The following CTNNA2 variants were observed in gnomAD, a reference collection of about 807,000 sequenced individuals.
CTNNA2 encodes the protein catenin alpha-2.
Under a neutral mutation model 101.0 loss-of-function variants are expected in CTNNA2, and 42 were observed. The ratio of observed to expected loss-of-function variants is 0.42; its 90% CI spans 0.32 to 0.54. CTNNA2 has a LOEUF of 0.54. Among genes scored for constraint, CTNNA2 ranks in the 20% least tolerant of loss-of-function variants. The pLI is 0.14. For missense variants in CTNNA2, 871 were observed against 1,223.1 expected, an observed-to-expected ratio of 0.71 and a Z score of 4.29; for synonymous variants, 450 against 456.4, an observed-to-expected ratio of 0.99 and a Z score of 0.18.
chr2:80,622,382 G>A (rs1573484375), intron 18 of CTNNA2, among the ~76,000 whole-genome samples: 1 of 151,858 alleles, frequency 6.6e-6, no homozygotes, highest in Admixed American at 6.6e-5. Context: ...ATCATCATTT[G>A]GGGGTATCAT....
intron 1 of CTNNA2, among the ~76,000 whole-genome samples, chr2:79,651,244 C>T (rs868748867): frequency 1.3e-5 from 2 of 152,240 alleles, no homozygotes; most frequent in East Asian, 1.9e-4. Context: ...AAACCTTTCG[C>T]AGCATATAGC....
intron 2 of CTNNA2, among the ~76,000 whole-genome samples, chr2:79,255,356 T>C (rs1393524941): frequency 6.6e-6 from 1 of 152,168 alleles, no homozygotes; most frequent in Non-Finnish European, 1.5e-5. Context: ...TTTGTTCAGA[T>C]TCCAATTCAG....
intron 7 of CTNNA2, among the ~76,000 whole-genome samples, chr2:80,075,810 AAAT>A (rs1225470681): frequency 1.4e-5 from 2 of 144,902 alleles, no homozygotes; most frequent in East Asian, 2.0e-4. Flanking sequence ...AATATTATAA[AAAT>A]AATATTTATA....
At chr2:79,550,564 A>G (rs1392892601) in intron 1 of CTNNA2, among the ~76,000 whole-genome samples, 3 of 152,240 alleles carry the variant, frequency 2.0e-5, no homozygotes, top group Middle Eastern at 3.2e-3. Context: ...GTAGATGAGA[A>G]GGCCAAATAT....
chr2:79,731,555 G>A (rs965636447), intron 2 of CTNNA2, among the ~76,000 whole-genome samples: 2 of 152,020 alleles, frequency 1.3e-5, no homozygotes, highest in South Asian at 2.1e-4. Context: ...ATGTGAGTTC[G>A]CTTACATGTT....
At chr2:79,337,274 C>T (rs1458097553) in intron 3 of CTNNA2, among the ~76,000 whole-genome samples, 3 of 152,150 alleles carry the variant, frequency 2.0e-5, no homozygotes, top group Admixed American at 6.5e-5. Flanking sequence ...AAAAATATAA[C>T]CCTACCCAAA....
chr2:80,018,543 G>A (rs1426719584), intron 7 of CTNNA2, among the ~76,000 whole-genome samples: 1 of 152,136 alleles, frequency 6.6e-6, no homozygotes, highest in African/African-American at 2.4e-5. Context: ...TTGGGAGGCC[G>A]AGGCGGGCAG....
chr2:79,316,535 T>C (rs143632736), intron 3 of CTNNA2, among the ~76,000 whole-genome samples: 1 of 152,064 alleles, frequency 6.6e-6, no homozygotes, highest in African/African-American at 2.4e-5. Flanking sequence ...ATATTAGGGG[T>C]TTCAATCCAT....
intron 3 of CTNNA2, among the ~76,000 whole-genome samples, chr2:79,816,962 T>C (rs59271347): frequency 0.024 from 3,660 of 152,226 alleles, 152 homozygotes; most frequent in African/African-American, 0.083. Flanking sequence ...ATTTCAGTCA[T>C]TAAATAAACC....
intron 9 of CTNNA2, among the ~76,000 whole-genome samples, chr2:80,527,277 G>C (rs539330120): frequency 6.7e-4 from 102 of 152,170 alleles, no homozygotes; most frequent in Non-Finnish European, 1.1e-3. Context: ...CTGTTGGCTG[G>C]ACTTTAGAAA....
chr2:79,279,370 G>A (rs1675300928), intron 2 of CTNNA2, among the ~76,000 whole-genome samples: 1 of 152,060 alleles, frequency 6.6e-6, no homozygotes, highest in Non-Finnish European at 1.5e-5. Flanking sequence ...ATAAATGCCT[G>A]AGGATAATTC....
At chr2:80,146,498 A>G (rs903036083) in intron 7 of CTNNA2, among the ~76,000 whole-genome samples, 5 of 151,748 alleles carry the variant, frequency 3.3e-5, no homozygotes, top group Admixed American at 1.3e-4. Flanking sequence ...TTCTCCATCC[A>G]TTTTTTTCTC....
intron 2 of CTNNA2, among the ~76,000 whole-genome samples, chr2:79,719,771 C>T (rs1373550359): frequency 6.6e-6 from 1 of 151,934 alleles, no homozygotes; most frequent in African/African-American, 2.4e-5. Context: ...GGTTTAACTT[C>T]CTTATGTATT....
chr2:80,199,328 G>C (rs2149012505), intron 7 of CTNNA2, among the ~76,000 whole-genome samples: 1 of 151,704 alleles, frequency 6.6e-6, no homozygotes, highest in South Asian at 2.1e-4. Context: ...GCAACTTGAA[G>C]ACATGATCCC....
chr2:79,510,349 A>G (rs1418758715), upstream of CTNNA2, among the ~76,000 whole-genome samples: 1 of 152,234 alleles, frequency 6.6e-6, no homozygotes, highest in Non-Finnish European at 1.5e-5. Flanking sequence ...AAAACAAAAG[A>G]AATAAGGGTT....
At chr2:80,103,000 T>A (rs2148845952) in intron 7 of CTNNA2, among the ~76,000 whole-genome samples, 1 of 152,238 alleles carries the variant, frequency 6.6e-6, no homozygotes, top group African/African-American at 2.4e-5. Flanking sequence ...AGAGTCCCAG[T>A]GAGTGAGGTC....
chr2:79,216,364 G>T (rs961041113), intron 2 of CTNNA2, among the ~76,000 whole-genome samples: 1 of 151,858 alleles, frequency 6.6e-6, no homozygotes, highest in East Asian at 1.9e-4. Context: ...GGGTTTGGGG[G>T]TTCTTACCCT....
chr2:79,855,635 G>A lies in CTNNA2; in HGVS notation c.299-2378G>A, dbSNP rs185959297. 9.8e-5 allele frequency among the ~76,000 whole-genome samples: 15 copies of A among 152,298 alleles called. No individual in the cohort carries two copies. The East Asian group carries it at 1.9e-3, about 20-fold the overall frequency. ...CTGCCCTCTCCTCCTGGGGATCTCTGTTCTGCCAATAGCCCTACCTGAGTG... is the reference window on the plus strand; with the variant it reads ...CTGCCCTCTCCTCCTGGGGATCTCTATTCTGCCAATAGCCCTACCTGAGTG... On this transcript the variant is annotated intron_variant, in intron 3 of 18. Transcript: ENST00000402739.
chr2:80,536,758 A>G (rs1691062378), intron 9 of CTNNA2, among the ~76,000 whole-genome samples: 1 of 152,202 alleles, frequency 6.6e-6, no homozygotes, highest in East Asian at 1.9e-4. Flanking sequence ...TGAGTGTTCA[A>G]ACAAGACTGT....
Sources: allele counts gnomAD v4.1 joint callset (sites outside exome capture counted in the v4.1 genomes callset), GRCh38; gene constraint gnomAD v4.1.1; transcripts MANE v1.5; gene names NCBI Gene and HGNC (gene_info 2026-07-23, HGNC 2026-07-21).